The following GRID2 variants were observed in gnomAD, a reference collection of about 807,000 sequenced individuals.
GRID2 encodes glutamate ionotropic receptor delta type subunit 2.
In GRID2, 33 loss-of-function variants were observed where a neutral mutation model predicts 114.8. The observed-to-expected ratio is 0.29, with a 90% CI of 0.22 to 0.38. GRID2 has a LOEUF of 0.38. GRID2 is among the 10% of genes least tolerant of loss of function. The pLI is 1.00. For synonymous variants in GRID2, 505 were observed against 449.9 expected, an observed-to-expected ratio of 1.12 and a Z score of -1.55; for missense variants, 1,184 against 1,257.7, an observed-to-expected ratio of 0.94 and a Z score of 0.89.
At chr4:93,581,490 T>A (rs1736980354) in intron 13 of GRID2, among the ~76,000 whole-genome samples, 1 of 152,112 alleles carries the variant, frequency 6.6e-6, no homozygotes, top group African/African-American at 2.4e-5. Flanking sequence ...ATTGATAATG[T>A]TAGGGAAGCC....
At chr4:92,779,758 T>C (rs1263111366) in intron 2 of GRID2, among the ~76,000 whole-genome samples, 1 of 152,160 alleles carries the variant, frequency 6.6e-6, no homozygotes, top group East Asian at 1.9e-4. Flanking sequence ...TATATTTCAT[T>C]AGCAACTACC....
At chr4:93,592,253 T>G (rs572840324) in intron 13 of GRID2, among the ~76,000 whole-genome samples, 3 of 152,268 alleles carry the variant, frequency 2.0e-5, no homozygotes, top group South Asian at 2.1e-4. Context: ...TCTGGTATGT[T>G]GTGTCTTTGT....
chr4:92,725,878 G>C (rs888500264), intron 2 of GRID2, among the ~76,000 whole-genome samples: 10 of 151,928 alleles, frequency 6.6e-5, no homozygotes. Flanking sequence ...CTTTCTGTTG[G>C]GCTTAGCTTT....
intron 1 of GRID2, among the ~76,000 whole-genome samples, chr4:92,500,751 G>T (rs747300201): frequency 6.6e-6 from 1 of 152,070 alleles, no homozygotes; most frequent in Admixed American, 6.6e-5. Context: ...GATTTTCTCA[G>T]TTACAAAGCT....
In GRID2 at chr4:93,321,094, T is replaced by C. The variant is rs368597004; in HGVS notation, c.1246-74513T>C. 7.9e-5 allele frequency among the ~76,000 whole-genome samples: 12 copies of C among 152,130 alleles called. No individual in the cohort carries two copies. In the East Asian group the frequency reaches 2.3e-3, roughly 29 times the overall value. On this transcript the variant is annotated intron_variant, in intron 8 of 15. Coordinates refer to ENST00000282020, the MANE Select transcript of GRID2 (RefSeq NM_001510.4). ...TCCTACTGTGATCTATAATTGAAGG[T>C]AAACTCTCCTTGAAAAAAGCAGTTT...
intron 1 of GRID2, among the ~76,000 whole-genome samples, chr4:92,347,240 A>G (rs146687212): frequency 6.6e-6 from 1 of 152,366 alleles, no homozygotes; most frequent in East Asian, 1.9e-4. Flanking sequence ...TAGAAATAGC[A>G]TTCAATATTA....
Position 92,940,908 on chromosome 4 carries a change from C to T in GRID2, c.245-144087C>T, listed in dbSNP as rs570450672. Among the ~76,000 whole-genome samples the T allele has an allele frequency of 5.5e-4, 83 of 152,190 alleles. 1 individual carries two copies. Among genetic ancestry groups the T allele is most frequent in the African/African-American group, 1.8e-3 (74 of 41,532 alleles). Reference sequence around the variant, plus strand: ...TATGTTGAACCAGCCTTGCATCCCACGGATGAAGCCCTCTTGATCATGGTG... The same window carrying T: ...TATGTTGAACCAGCCTTGCATCCCATGGATGAAGCCCTCTTGATCATGGTG... On this transcript the variant is annotated intron_variant, in intron 2 of 15. Coordinates refer to ENST00000282020, the MANE Select transcript of GRID2 (RefSeq NM_001510.4).
At chr4:92,736,508 A>G (rs1047121987) in intron 2 of GRID2, among the ~76,000 whole-genome samples, 3 of 152,104 alleles carry the variant, frequency 2.0e-5, no homozygotes, top group Admixed American at 2.0e-4. Context: ...TCCCAAAAGG[A>G]TATACTCATG....
chr4:93,031,260 G>A (rs989616000), intron 2 of GRID2, among the ~76,000 whole-genome samples: 1 of 152,100 alleles, frequency 6.6e-6, no homozygotes, highest in East Asian at 1.9e-4. Flanking sequence ...TGGCCAGGCT[G>A]TTCTTGAATT....
rs1158213229 is a variant in GRID2, at chr4:93,323,319, T to C, written c.1246-72288T>C. Among the ~76,000 whole-genome samples, 12 of 152,164 alleles carry C rather than the reference T, an allele frequency of 7.9e-5. No individual in the cohort carries two copies. The East Asian group carries it at 1.9e-3, about 25-fold the overall frequency. On this transcript the variant is annotated intron_variant, in intron 8 of 15. Transcript: ENST00000282020. ...TAAATAGGGAATCCTTTCCCCATTT[T>C]TTATTTTTGTCAGGTTTGTCAAAGA...
chr4:92,662,295 C>A (rs190992319), intron 2 of GRID2, among the ~76,000 whole-genome samples: 1 of 150,954 alleles, frequency 6.6e-6, no homozygotes, highest in African/African-American at 2.4e-5. Context: ...TAGAAGGAAG[C>A]ATATATTTAC....
chr4:93,463,848 G>A (rs1181433968), intron 11 of GRID2, among the ~76,000 whole-genome samples: 1 of 151,996 alleles, frequency 6.6e-6, no homozygotes, highest in Non-Finnish European at 1.5e-5. Context: ...AATTAGCCAG[G>A]CGTGGTGGCG....
chr4:93,586,716 G>T (rs1418850935), intron 13 of GRID2, among the ~76,000 whole-genome samples: 1 of 152,066 alleles, frequency 6.6e-6, no homozygotes, highest in East Asian at 1.9e-4. Context: ...TGATGGTCTG[G>T]ATGCAAAACC....
At chr4:93,621,292 A>G (rs564970641) in intron 13 of GRID2, among the ~76,000 whole-genome samples, 39 of 152,326 alleles carry the variant, frequency 2.6e-4, no homozygotes, top group Non-Finnish European at 4.7e-4. Flanking sequence ...ACCAATGTCA[A>G]TCAATAACCA....
At chr4:92,828,622 A>C (rs1162659263) in intron 2 of GRID2, among the ~76,000 whole-genome samples, 1 of 152,058 alleles carries the variant, frequency 6.6e-6, no homozygotes, top group Non-Finnish European at 1.5e-5. Context: ...TCTGACTTTT[A>C]ACTAATTACA....
At chr4:92,426,884 A>G (rs1197094447) in intron 1 of GRID2, among the ~76,000 whole-genome samples, 1 of 152,128 alleles carries the variant, frequency 6.6e-6, no homozygotes, top group African/African-American at 2.4e-5. Flanking sequence ...CATGAAAATC[A>G]TATTTAGTAG....
chr4:92,412,885 T>A (rs1165822368), intron 1 of GRID2, among the ~76,000 whole-genome samples: 3 of 152,186 alleles, frequency 2.0e-5, no homozygotes, highest in African/African-American at 7.2e-5. Context: ...GACCTCCACA[T>A]CACAAATCAG....
intron 3 of GRID2, among the ~76,000 whole-genome samples, chr4:93,107,286 G>A (rs1019571971): frequency 6.6e-6 from 1 of 152,066 alleles, no homozygotes; most frequent in Non-Finnish European, 1.5e-5. Flanking sequence ...GTAATAGAGT[G>A]GGACCCTGTC....
chr4:93,160,270 G>C lies in GRID2; in HGVS notation c.736-47134G>C, dbSNP rs563350882. 5.9e-5 allele frequency among the ~76,000 whole-genome samples: 9 copies of C among 151,726 alleles called. No individual in the cohort carries two copies. In the South Asian group the frequency reaches 1.9e-3, roughly 31 times the overall value. On this transcript the variant is annotated intron_variant, in intron 4 of 15. Coordinates refer to ENST00000282020, the MANE Select transcript of GRID2 (RefSeq NM_001510.4). Reference sequence around the variant, plus strand: ...TTCCATAAAGCCTAAAATTTGTACAGTAATCAATATAGATAAGGTAATATC... The same window carrying C: ...TTCCATAAAGCCTAAAATTTGTACACTAATCAATATAGATAAGGTAATATC...
Sources: allele counts gnomAD v4.1 joint callset (sites outside exome capture counted in the v4.1 genomes callset), GRCh38; gene constraint gnomAD v4.1.1; transcripts MANE v1.5; gene names NCBI Gene and HGNC (gene_info 2026-07-23, HGNC 2026-07-21).